Variants in UGT1A4 observed in about 807,000 individuals in gnomAD.
The protein encoded by UGT1A4 is UDP-glucuronosyltransferase 1A4.
Under a neutral mutation model 41.1 loss-of-function variants are expected in UGT1A4, and 32 were observed. The observed-to-expected ratio is 0.78, with a 90% CI of 0.59 to 1.05. UGT1A4 has a LOEUF of 1.05. Ranked by LOEUF, UGT1A4 falls within the 50% of genes least tolerant of loss-of-function variation. The probability of loss-of-function intolerance (pLI) is 0.00; values close to 1 mark genes in which losing one functional copy is unlikely to be tolerated. For missense variants in UGT1A4, 748 were observed against 677.4 expected, an observed-to-expected ratio of 1.10 and a Z score of -1.16; for synonymous variants, 283 against 265.1, an observed-to-expected ratio of 1.07 and a Z score of -0.66.
At chr2:233,729,950 T>C (rs1336852527) in intron 1 of UGT1A4, 2 of 1,613,962 alleles carry the variant, frequency 1.2e-6, no homozygotes, top group Non-Finnish European at 1.7e-6. Context: ...AACATGGTCT[T>C]CATTGGGGGC....
chr2:233,755,296 C>A (rs1695848823), intron 1 of UGT1A4: 2 of 630,266 alleles, frequency 3.2e-6, no homozygotes, highest in Admixed American at 6.1e-5. Flanking sequence ...GCCTGCGGGG[C>A]ACTGGCACAG....
intron 1 of UGT1A4, chr2:233,743,410 C>A: frequency 2.3e-6 from 3 of 1,318,156 alleles, no homozygotes; most frequent in African/African-American, 1.5e-5. Flanking sequence ...AAGGCCCCCA[C>A]TTCCCAGGGA....
At chr2:233,743,723 T>C (rs1252847371) in intron 1 of UGT1A4, 5 of 1,367,380 alleles carry the variant, frequency 3.7e-6, no homozygotes, top group South Asian at 2.3e-5. Flanking sequence ...ATAGCGGTCA[T>C]AGATATCGCG....
intron 1 of UGT1A4, among the ~76,000 whole-genome samples, chr2:233,750,295 C>T (rs1409213003): frequency 3.3e-5 from 5 of 151,894 alleles, no homozygotes; most frequent in African/African-American, 1.2e-4. Context: ...GCATTTTGCC[C>T]CTGCCCTAGA....
intron 1 of UGT1A4, among the ~76,000 whole-genome samples, chr2:233,751,378 C>A (rs1694710024): frequency 2.0e-5 from 3 of 152,054 alleles, no homozygotes; most frequent in Non-Finnish European, 2.9e-5. Context: ...AAGGGACTTG[C>A]CTTGTCTCAG....
chr2:233,754,775 G>T (rs1381490042), intron 1 of UGT1A4: 9 of 1,081,770 alleles, frequency 8.3e-6, no homozygotes, highest in Non-Finnish European at 1.1e-5. Context: ...TTCCCAGGGA[G>T]CCAAAGGAAC....
intron 1 of UGT1A4, among the ~76,000 whole-genome samples, chr2:233,759,869 A>G (rs1186818099): frequency 6.6e-6 from 1 of 152,190 alleles, no homozygotes; most frequent in African/African-American, 2.4e-5. Flanking sequence ...AAGCGGGGGT[A>G]CAGTTGTGTT....
rs541889262 is a variant in UGT1A4 at position 233,732,819 on chromosome 2, A to T, written c.867+13132A>T. 7.3e-4 allele frequency among the ~76,000 whole-genome samples: 110 copies of T among 150,442 alleles called. 1 individual carries two copies. The highest frequency in any genetic ancestry group is 2.7e-3 in the African/African-American group (109 of 40,796). On this transcript the variant is annotated intron_variant, in intron 1 of 4. Coordinates refer to ENST00000373409, the MANE Select transcript of UGT1A4 (RefSeq NM_007120.3). The stretch of plus-strand genomic sequence containing the variant: ...CAGGCTCTTTTTTGATTCCATATGA[A>T]CTTTAAAGTAGTTTTTTCCAATTTT...
At chr2:233,743,809 AGGGTTTTTGTC>A in intron 1 of UGT1A4, 1 of 1,367,146 alleles carries the variant, frequency 7.3e-7, no homozygotes, top group Non-Finnish European at 9.8e-7. Context: ...CCTTGTTCTC[AGGGTTTTTGTC>A]GGGGTGCCAC....
At position 233,719,518 on chromosome 2, in the gene UGT1A4, G is replaced by A. The variant is rs751977605; in HGVS notation, c.698G>A (p.Ser233Asn). 2 of 1,613,954 alleles carry A rather than the reference G, an allele frequency of 1.2e-6. No homozygotes were observed. Among genetic ancestry groups the A allele is most frequent in the Non-Finnish European group, 1.7e-6 (2 of 1,179,866 alleles). Residue 233 changes from serine to asparagine, a missense_variant, in exon 1 of 5, where the codon AGT (serine) becomes AAT (asparagine). Physicochemically the swap from Ser to Asn is conservative, Grantham distance 46. Coordinates refer to ENST00000373409, the MANE Select transcript of UGT1A4 (RefSeq NM_007120.3). ...CATACTTTTTCTGCCCCTTATGCAA[G>A]TCTTGCCTCTGAGCTTTTTCAGAGA... Reference protein sequence around the residue: ...ICHTFSAPYASLASELFQREV... With the variant: ...ICHTFSAPYANLASELFQREV...
intron 1 of UGT1A4, among the ~76,000 whole-genome samples, chr2:233,727,988 A>C (rs1274314392): frequency 6.6e-6 from 1 of 152,262 alleles, no homozygotes; most frequent in Non-Finnish European, 1.5e-5. Context: ...AGGTGGCATC[A>C]GCAATCTTGT....
At chr2:233,742,803 G>T (rs1329943458) in intron 1 of UGT1A4, 1 of 153,428 alleles carries the variant, frequency 6.5e-6, no homozygotes, top group African/African-American at 2.4e-5. Context: ...TAAGCCAGAA[G>T]TATTGATATT....
Position 233,768,253 on chromosome 2 carries a change from C to G in UGT1A4, c.1121C>G (p.Ala374Gly). ...HPMTRAFITH[A>G]GSHGVYESIC... ...ATGACCCGTGCCTTTATCACCCATG[C>G]TGGTTCCCATGGTGTTTATGAAAGC... The change falls in exon 4 of 5, where the codon GCT becomes GGT. Residue 374 changes from alanine (A) to glycine (G), a missense_variant. Transcript: ENST00000373409. 6.2e-7 allele frequency: 1 copy of G among 1,614,206 alleles called. No homozygotes were observed. Among genetic ancestry groups the G allele is most frequent in the Non-Finnish European group, 8.5e-7 (1 of 1,180,038 alleles).
rs1326860704 is a variant in UGT1A4 at position 233,769,636 on chromosome 2, G to A, written c.1307+1197G>A. ...AGCTTGAGCAAGGGACAACAGGGGA[G>A]GACTGATGACTGACTTCCCACCTTT... On this transcript the variant is annotated intron_variant, in intron 4 of 4. Coordinates refer to ENST00000373409, the MANE Select transcript of UGT1A4 (RefSeq NM_007120.3). This position sits in a 1 kb window ranked among gnomAD's most constrained non-coding sequence, Gnocchi z 4.4. 6.8e-6 allele frequency: 11 copies of A among 1,610,668 alleles called. No homozygotes were observed. Among genetic ancestry groups the A allele is most frequent in the Non-Finnish European group, 8.5e-6 (10 of 1,178,970 alleles).
In UGT1A4 at chr2:233,741,128, AAC is replaced by A. The variant is rs200537082; in HGVS notation, c.867+21444_867+21445del. The stretch of plus-strand genomic sequence containing the variant: ...TCAAGCTTTACACTTCTATAAAAGC[AAC>A]ACTTTCCATTTATGACAGCACTAAT... On this transcript the variant is annotated intron_variant, in intron 1 of 4. Coordinates refer to ENST00000373409, the MANE Select transcript of UGT1A4 (RefSeq NM_007120.3). Among the ~76,000 whole-genome samples, 1,292 of 152,018 alleles carry A rather than the reference AAC, an allele frequency of 8.5e-3. 44 individuals carry two copies. The highest frequency in any genetic ancestry group is 0.053 in the Admixed American group (810 of 15,284).
intron 1 of UGT1A4, among the ~76,000 whole-genome samples, chr2:233,748,852 G>A (rs1236663773): frequency 6.6e-6 from 1 of 151,452 alleles, no homozygotes; most frequent in Non-Finnish European, 1.5e-5. Flanking sequence ...GAGCGTATAA[G>A]CCCAGTTAAG....
chr2:233,744,006 T>G (rs1476984067), intron 1 of UGT1A4: 1 of 1,159,948 alleles, frequency 8.6e-7, no homozygotes, highest in Non-Finnish European at 1.1e-6. Context: ...CTCGGAGACC[T>G]GGGCCGCCTG....
intron 1 of UGT1A4, among the ~76,000 whole-genome samples, chr2:233,761,771 C>A (rs1035405620): frequency 6.6e-6 from 1 of 152,236 alleles, no homozygotes; most frequent in East Asian, 1.9e-4. Context: ...GTAGCATTCA[C>A]ATCCTCATCG....
chr2:233,725,184 GCAGA>G (rs1559370234), intron 1 of UGT1A4, among the ~76,000 whole-genome samples: 5 of 89,376 alleles, frequency 5.6e-5, no homozygotes, highest in African/African-American at 1.7e-4. Flanking sequence ...GTGGGGAGAG[GCAGA>G]GGCAGAGGCA....
Sources: gnomAD v4.1 joint callset for allele counts (sites outside exome capture counted in the v4.1 genomes callset) on GRCh38, gnomAD v4.1.1 for gene constraint, Gnocchi (gnomAD v3.1) non-coding constraint, MANE v1.5 for transcripts, NCBI Gene and HGNC (gene_info 2026-07-23, HGNC 2026-07-21) for gene names.